ANKHD1: variants seen among roughly 807,000 people sequenced by gnomAD.
The protein encoded by ANKHD1 is ankyrin repeat and KH domain containing 1.
A neutral mutation model predicts 230.5 loss-of-function variants in ANKHD1; 31 were observed. The observed-to-expected ratio is 0.13, with a 90% CI of 0.10 to 0.18. The LOEUF (loss-of-function observed/expected upper bound fraction) is 0.18. Ranked by LOEUF, ANKHD1 falls within the 10% of genes least tolerant of loss-of-function variation. ANKHD1 has a pLI of 1.00. For synonymous variants in ANKHD1, 1,074 were observed against 1,117.6 expected, an observed-to-expected ratio of 0.96 and a Z score of 0.78; for missense variants, 2,256 against 3,071.3, an observed-to-expected ratio of 0.73 and a Z score of 6.27.
chr5:140,512,237 CAAAA>C (rs61129594), intron 22 of ANKHD1, among the ~76,000 whole-genome samples: 1 of 87,960 alleles, frequency 1.1e-5, no homozygotes, highest in Non-Finnish European at 2.3e-5. Context: ...ACTCCCATCT[CAAAA>C]AAAAAAAAAA....
intron 32 of ANKHD1, among the ~76,000 whole-genome samples, chr5:140,538,683 T>G (rs926001795): frequency 2.0e-5 from 3 of 152,236 alleles, no homozygotes; most frequent in African/African-American, 7.2e-5. Flanking sequence ...ATGAGAAATT[T>G]CCTGATGATT....
chr5:140,441,703 G>A (rs901384758), intron 5 of ANKHD1, among the ~76,000 whole-genome samples: 23 of 152,104 alleles, frequency 1.5e-4, no homozygotes, highest in African/African-American at 5.3e-4. Context: ...TATAACATGA[G>A]GACTATAATT....
intron 1 of ANKHD1, among the ~76,000 whole-genome samples, chr5:140,428,611 CAGAGGGAGACCGTGGAAAGAGAGGG>C (rs1266243503): frequency 2.0e-5 from 3 of 152,074 alleles, no homozygotes; most frequent in African/African-American, 2.4e-5. Flanking sequence ...GGCTCGGCAT[CAGAGGGAGACCGTGGAAAGAGAGGG>C]AGAGGGAGAC....
intron 20 of ANKHD1, among the ~76,000 whole-genome samples, chr5:140,508,519 C>G (rs1312100428): frequency 6.6e-6 from 1 of 152,028 alleles, no homozygotes; most frequent in African/African-American, 2.4e-5. Flanking sequence ...TTTGGGAAGC[C>G]TAGGCAGGTG....
At chr5:140,511,844 G>A (rs1337311172) in intron 22 of ANKHD1, among the ~76,000 whole-genome samples, 1 of 152,202 alleles carries the variant, frequency 6.6e-6, no homozygotes. Flanking sequence ...TGCCCCAGAG[G>A]CAAGCATTTC....
chr5:140,459,463 A>G, intron 9 of ANKHD1, 108 bp downstream of exon 9: 1 of 1,342,640 alleles, frequency 7.4e-7, no homozygotes, highest in Non-Finnish European at 9.7e-7. Flanking sequence ...AATGGTGGTT[A>G]CCAGAGTGTG....
Position 140,402,150 on chromosome 5 carries a change from C to A in ANKHD1, c.183C>A (p.Gly61=). ...GPASGVGSSG[G]GGSGSGTGGG... is the part of the protein sequence containing the mutation. ...CGTCGGGAGTCGGCAGCAGCGGCGG[C>A]GGCGGCAGCGGCAGCGGTACGGGCG... Residue 61 remains glycine (G), a synonymous_variant, in exon 1 of 34, where the codon GGC becomes GGA. Coordinates refer to ENST00000360839, the MANE Select transcript of ANKHD1 (RefSeq NM_017747.3). 6.5e-7 allele frequency: 1 copy of A among 1,531,562 alleles called. No homozygotes were observed. The allele number at this position is 1,531,562 out of a possible 1,614,324, so 94.9% of individuals were successfully genotyped here. A position where few individuals can be genotyped will look rare whatever the true frequency, so the allele number is the denominator to read the frequency against.
In ANKHD1 at chr5:140,401,908, G is replaced by A; in HGVS notation, c.-60G>A. The A allele has an allele frequency of 4.0e-6, 6 of 1,515,336 alleles. No individual in the cohort carries two copies. The highest frequency in any genetic ancestry group is 5.3e-6 in the Non-Finnish European group (6 of 1,140,334). 93.9% of individuals were successfully genotyped at this position (1,515,336 alleles called of 1,614,324 possible). On this transcript the variant is annotated 5_prime_UTR_variant, in exon 1 of 34. Transcript: ENST00000360839. Reference sequence around the variant, plus strand: ...CTCTTGCTGCTCTTCTCGTTCCCGAGATCAGCGGCGGCGGTGACCGCGAGT... The same window carrying A: ...CTCTTGCTGCTCTTCTCGTTCCCGAAATCAGCGGCGGCGGTGACCGCGAGT...
At chr5:140,456,264 T>C (rs919588942) in intron 7 of ANKHD1, among the ~76,000 whole-genome samples, 12 of 152,170 alleles carry the variant, frequency 7.9e-5, no homozygotes, top group African/African-American at 2.7e-4. Context: ...AGATTCAATA[T>C]CGTGAAAATG....
rs531848912 is a variant in ANKHD1, at chr5:140,459,600, A to G, written c.1672+245A>G. Among the ~76,000 whole-genome samples, 32 of 152,264 alleles carry G rather than the reference A, an allele frequency of 2.1e-4. No homozygotes were observed. The East Asian group carries it at 3.7e-3, about 17-fold the overall frequency. ...CATAGCAAGGTGACTACAGTTAACA[A>G]TAATGTATATCTCAAAATTGCTAAG... On this transcript the variant is annotated intron_variant, in intron 9 of 33. Coordinates refer to ENST00000360839, the MANE Select transcript of ANKHD1 (RefSeq NM_017747.3).
chr5:140,416,628 T>G (rs1001291840), intron 1 of ANKHD1, among the ~76,000 whole-genome samples: 2 of 152,084 alleles, frequency 1.3e-5, no homozygotes, highest in African/African-American at 2.4e-5. Context: ...GAAGCATTAG[T>G]CTTTCAAATT....
chr5:140,438,686 G>T, intron 3 of ANKHD1, 69 bp downstream of exon 3: 3 of 1,454,642 alleles, frequency 2.1e-6, no homozygotes, highest in South Asian at 1.6e-5. Flanking sequence ...AGCCAATTTT[G>T]GTTAAATATA....
At chr5:140,525,074 C>G in intron 25 of ANKHD1, 1 of 161,400 alleles carries the variant, frequency 6.2e-6, no homozygotes, top group Non-Finnish European at 1.4e-5. Context: ...CGAGTTCACG[C>G]CATTGCACTC....
chr5:140,505,022 G>A, intron 16 of ANKHD1, 56 bp downstream of exon 16: 2 of 1,606,672 alleles, frequency 1.2e-6, no homozygotes, highest in South Asian at 2.2e-5. Context: ...TCTTTGGAAA[G>A]GAAAATTATT....
chr5:140,439,177 G>A (rs1773666853), intron 3 of ANKHD1, among the ~76,000 whole-genome samples: 1 of 152,058 alleles, frequency 6.6e-6, no homozygotes, highest in African/African-American at 2.4e-5. Flanking sequence ...TCATTCTGTG[G>A]TAAAATAGTT....
At chr5:140,427,960 G>C (rs917453685) in intron 1 of ANKHD1, among the ~76,000 whole-genome samples, 1 of 151,270 alleles carries the variant, frequency 6.6e-6, no homozygotes, top group Non-Finnish European at 1.5e-5. Flanking sequence ...CTTCTCAGAC[G>C]GGGCGGCCAG....
intron 7 of ANKHD1, among the ~76,000 whole-genome samples, chr5:140,452,693 A>G (rs574556750): frequency 1.3e-3 from 191 of 152,318 alleles, no homozygotes; most frequent in African/African-American, 4.5e-3. Context: ...AACAGAAAGG[A>G]CATCCACACC....
intron 7 of ANKHD1, among the ~76,000 whole-genome samples, chr5:140,451,990 G>A (rs992100569): frequency 3.3e-5 from 5 of 152,176 alleles, no homozygotes; most frequent in Non-Finnish European, 7.3e-5. Context: ...AACAGCTCCA[G>A]TCTACAGCTC....
intron 5 of ANKHD1, among the ~76,000 whole-genome samples, chr5:140,441,952 T>C (rs1488758257): frequency 1.3e-5 from 2 of 151,946 alleles, no homozygotes; most frequent in Non-Finnish European, 2.9e-5. Flanking sequence ...CAATACTCTT[T>C]AGATTATAGA....
Sources: gnomAD v4.1 joint callset for allele counts (sites outside exome capture counted in the v4.1 genomes callset) on GRCh38, gnomAD v4.1.1 for gene constraint, MANE v1.5 for transcripts, NCBI Gene and HGNC (gene_info 2026-07-23, HGNC 2026-07-21) for gene names.